The following SLFN11 variants were observed in gnomAD, a reference collection of about 807,000 sequenced individuals.
SLFN11 encodes the protein schlafen family member 11.
SLFN11 carries 43 observed loss-of-function variants against 53.4 expected under a neutral mutation model. The ratio of observed to expected loss-of-function variants is 0.80; its 90% CI spans 0.63 to 1.04. The LOEUF (loss-of-function observed/expected upper bound fraction) is 1.04. SLFN11 is among the 50% of genes least tolerant of loss of function. The pLI is 0.00. For synonymous variants in SLFN11, 389 were observed against 394.7 expected (o/e 0.99, Z 0.17); for missense variants, 990 against 1,079.1 (o/e 0.92, Z 1.16).
At chr17:35,367,949 G>T (rs571715959) in intron 1 of SLFN11, among the ~76,000 whole-genome samples, 2 of 152,166 alleles carry the variant, frequency 1.3e-5, no homozygotes, top group Admixed American at 6.5e-5. Flanking sequence ...TGGACATGCA[G>T]GGACAACCAC....
In SLFN11 at chr17:35,353,719, C is replaced by T; in HGVS notation, c.1539G>A (p.Lys513=). Residue 513 remains lysine, a synonymous_variant, in exon 6 of 7, where the codon AAG becomes AAA. Coordinates refer to ENST00000685675, the MANE Select transcript of SLFN11 (RefSeq NM_001376007.1). ...TGCTCTCAGGACTCAGGCAGAGGAC[C>T]TTGGCCCTGACACACACCTTCCCGG... The part of the protein sequence containing the change: ...GYTGKVCVRA[K]VLCLSPESSA... 5 of 1,450,620 alleles carry T rather than the reference C, an allele frequency of 3.4e-6. No individual in the cohort carries two copies. The highest frequency in any genetic ancestry group is 4.6e-6 in the Non-Finnish European group (5 of 1,081,864). 89.9% of individuals were successfully genotyped at this position (1,450,620 alleles called of 1,614,324 possible).
In SLFN11 at chr17:35,352,969, A is replaced by C. The variant is rs749780647; in HGVS notation, c.2093T>G (p.Leu698Arg). 6.2e-7 allele frequency: 1 copy of C among 1,614,232 alleles called. No homozygotes were observed. The highest frequency in any genetic ancestry group is 8.5e-7 in the Non-Finnish European group (1 of 1,180,046). Residue 698 changes from leucine to arginine, a missense_variant, in exon 7 of 7, where the codon CTC becomes CGC. Leu to Arg is a moderately radical substitution (Grantham distance 102). Transcript: ENST00000685675. ...TRRAKGGPGI[L>R]WIFLDYFQTS... Reference sequence around the variant, plus strand: ...CTGAAAGTAATCCAGAAAGATCCAGAGAATTCCTGGGCCACCCTTTGCTCT... The same window carrying C: ...CTGAAAGTAATCCAGAAAGATCCAGCGAATTCCTGGGCCACCCTTTGCTCT...
In SLFN11 at chr17:35,353,059, T is replaced by G; in HGVS notation, c.2003A>C (p.Asp668Ala). The change falls in exon 7 of 7, where the codon GAC (aspartate) becomes GCC (alanine). Residue 668 changes from aspartate to alanine, a missense_variant. Physicochemically the swap from Asp to Ala is moderately radical, Grantham distance 126. Transcript: ENST00000685675. ...TTCAGTACGGAAATTCTGAGCTTCG[T>G]CAATGACGATGTGTTGAATGTGTTC... ...NFEHIQHIVI[D>A]EAQNFRTEDG... The G allele has an allele frequency of 6.2e-7, 1 of 1,614,186 alleles. No individual in the cohort carries two copies. The highest frequency in any genetic ancestry group is 1.1e-5 in the South Asian group (1 of 91,078).
At position 35,355,942 on chromosome 17, in the gene SLFN11, G is replaced by A. The variant is rs551215840; in HGVS notation, c.1199-1883C>T. Among the ~76,000 whole-genome samples, 15 of 152,150 alleles carry A rather than the reference G, an allele frequency of 9.9e-5. No homozygotes were observed. In the South Asian group the frequency reaches 2.5e-3, roughly 25 times the overall value. ...CATTCTGGGAACTAATTTCACCATG[G>A]ATCTAGGGAATCTTTAGAATCAGCA... On this transcript the variant is annotated intron_variant, in intron 5 of 6. Coordinates refer to ENST00000685675, the MANE Select transcript of SLFN11 (RefSeq NM_001376007.1).
intron 4 of SLFN11, among the ~76,000 whole-genome samples, chr17:35,360,943 C>A (rs1213647140): frequency 2.6e-5 from 4 of 152,112 alleles, no homozygotes; most frequent in African/African-American, 9.7e-5. Flanking sequence ...GCACTCCAGC[C>A]TGGGTGACAT....
chr17:35,362,936 C>T lies in SLFN11; in HGVS notation c.872G>A (p.Arg291His), dbSNP rs1229291682. The change falls in exon 4 of 7, where the codon CGC (arginine) becomes CAC (histidine). Residue 291 changes from arginine to histidine, a missense_variant. This residue lies in a region of SLFN11 where 521 missense variants were observed against 516.2 expected (regional missense o/e 1.01). Coordinates refer to ENST00000685675, the MANE Select transcript of SLFN11 (RefSeq NM_001376007.1). The stretch of plus-strand genomic sequence containing the variant: ...AATTTTGAGTGTGAAGGTTATCGGG[C>T]GTTGGGGTTGGCAAAAATGAACACA... ...LPCVHFCQPQ[R>H]PITFTLKIVN... The T allele has an allele frequency of 5.6e-6, 9 of 1,613,426 alleles. No homozygotes were observed. The highest frequency in any genetic ancestry group is 3.3e-5 in the Admixed American group (2 of 59,916).
Position 35,358,262 on chromosome 17 carries a change from A to AT in SLFN11, c.1198+1980dup, listed in dbSNP as rs1404980344. On this transcript the variant is annotated intron_variant, in intron 5 of 6. Coordinates refer to ENST00000685675, the MANE Select transcript of SLFN11 (RefSeq NM_001376007.1). Reference sequence around the variant, plus strand: ...TAAAGATACTGAATTCTGCATATTAATTTTTATAGTTTCTTCTTATAATAC... The same window carrying AT: ...TAAAGATACTGAATTCTGCATATTAATTTTTTATAGTTTCTTCTTATAATAC... 3.3e-5 allele frequency among the ~76,000 whole-genome samples: 5 copies of AT among 151,462 alleles called. 1 individual carries two copies. The East Asian group carries it at 9.7e-4, about 29-fold the overall frequency.
chr17:35,371,515 A>G (rs940821340), intron 1 of SLFN11, among the ~76,000 whole-genome samples: 1 of 152,146 alleles, frequency 6.6e-6, no homozygotes, highest in Non-Finnish European at 1.5e-5. Flanking sequence ...AAAGAACGCA[A>G]TCAACAAAGT....
At chr17:35,365,970 C>T (rs1908906275) in intron 3 of SLFN11, among the ~76,000 whole-genome samples, 1 of 152,102 alleles carries the variant, frequency 6.6e-6, no homozygotes, top group Non-Finnish European at 1.5e-5. Flanking sequence ...ACATACAATG[C>T]TGTAAGTTCA....
rs1233566228 is a variant in SLFN11, at chr17:35,353,557, G to A, written c.1701C>T (p.Asp567=). 10 of 1,319,002 alleles carry A rather than the reference G, an allele frequency of 7.6e-6. No individual in the cohort carries two copies. Among genetic ancestry groups the A allele is most frequent in the Non-Finnish European group, 1.0e-6 (1 of 981,296 alleles). 81.7% of individuals were successfully genotyped at this position (1,319,002 alleles called of 1,614,324 possible). The change falls in exon 6 of 7, where the codon GAC becomes GAT. Residue 567 remains aspartate, a synonymous_variant. Coordinates refer to ENST00000685675, the MANE Select transcript of SLFN11 (RefSeq NM_001376007.1). ...VLLGFRSLLS[D]QLGCEVLNLL... is the part of the protein sequence containing the mutation. ...GATTTAAAACCTCACAGCCGAGCTG[G>A]TCACTCAAGAGAGACCTGAAGCCGA...
rs757064007 is a variant in SLFN11 at position 35,353,589 on chromosome 17, C to T, written c.1669G>A (p.Val557Ile). Residue 557 changes from valine to isoleucine, a missense_variant, in exon 6 of 7, where the codon GTC becomes ATC. Val to Ile is a conservative substitution (Grantham distance 29). This residue lies in a region of SLFN11 where 156 missense variants were observed against 241.9 expected (regional missense o/e 0.64). Coordinates refer to ENST00000685675, the MANE Select transcript of SLFN11 (RefSeq NM_001376007.1). The part of the protein sequence containing the change: ...MEALLQSLVI[V>I]LLGFRSLLSD... ...AAGAGAGACCTGAAGCCGAGTAAGA[C>T]AATCACGAGGGACTGCAGCAGGGCT... 6.6e-6 allele frequency: 8 copies of T among 1,203,170 alleles called. No homozygotes were observed. The highest frequency in any genetic ancestry group is 9.0e-6 in the Non-Finnish European group (8 of 888,432). The allele number at this position is 1,203,170 out of a possible 1,614,324, so 74.5% of individuals were successfully genotyped here.
chr17:35,368,718 A>C (rs1214226417), intron 1 of SLFN11, among the ~76,000 whole-genome samples: 9 of 152,122 alleles, frequency 5.9e-5, no homozygotes, highest in African/African-American at 2.2e-4. Flanking sequence ...TGTGACTCTC[A>C]GCTCCAAAAA....
chr17:35,361,588 A>G (rs1470708609), intron 4 of SLFN11, among the ~76,000 whole-genome samples: 1 of 151,922 alleles, frequency 6.6e-6, no homozygotes, highest in Admixed American at 6.6e-5. Context: ...CAGCCTCCGA[A>G]AGTGCTGGAA....
chr17:35,360,035 G>T, intron 5 of SLFN11: 1 of 486,794 alleles, frequency 2.1e-6, no homozygotes. Flanking sequence ...AATGTTCCTG[G>T]ATTCTATGTG....
intron 5 of SLFN11, among the ~76,000 whole-genome samples, chr17:35,356,860 T>C (rs1035395156): frequency 1.3e-4 from 20 of 150,440 alleles, no homozygotes; most frequent in African/African-American, 4.9e-4. Flanking sequence ...TTAAATGCAT[T>C]TGTGATTCCA....
chr17:35,352,484 G>A lies in SLFN11; in HGVS notation c.2578C>T (p.Leu860=), dbSNP rs367798201. The change falls in exon 7 of 7, where the codon CTG becomes TTG. Residue 860 remains leucine, a synonymous_variant. Transcript: ENST00000685675. ...ATCCCAAACACTATGCTCCTTTCCA[G>A]GCCTGAGAATCGCCGAACACTGTCC... ...VLDSVRRFSG[L]ERSIVFGIHP... is the part of the protein sequence containing the mutation. The A allele has an allele frequency of 1.9e-6, 3 of 1,614,066 alleles. No homozygotes were observed. In the African/African-American group the frequency reaches 4.0e-5, roughly 22 times the overall value.
At position 35,352,592 on chromosome 17, in the gene SLFN11, A is replaced by C. The variant is rs762616771; in HGVS notation, c.2470T>G (p.Tyr824Asp). 1 of 1,614,186 alleles carries C rather than the reference A, an allele frequency of 6.2e-7. No homozygotes were observed. Among genetic ancestry groups the C allele is most frequent in the Admixed American group, 1.7e-5 (1 of 60,016 alleles). Reference protein sequence around the residue: ...STAKEVEHYKYELLKAMRKKR... With the variant: ...STAKEVEHYKDELLKAMRKKR... The stretch of plus-strand genomic sequence containing the variant: ...TTCCTCATTGCTTTCAAGAGCTCAT[A>C]CTTATAGTGCTCCACTTCTTTTGCG... Residue 824 changes from tyrosine (Y) to aspartate (D), a missense_variant, in exon 7 of 7, where the codon TAT (tyrosine) becomes GAT (aspartate). Coordinates refer to ENST00000685675, the MANE Select transcript of SLFN11 (RefSeq NM_001376007.1).
chr17:35,358,824 T>C (rs2141951035), intron 5 of SLFN11, among the ~76,000 whole-genome samples: 1 of 152,194 alleles, frequency 6.6e-6, no homozygotes, highest in Non-Finnish European at 1.5e-5. Flanking sequence ...TTTCTATCTT[T>C]AACAAGTTTT....
chr17:35,360,236 T>C lies in SLFN11; in HGVS notation c.1198+7A>G. 2 of 1,609,378 alleles carry C rather than the reference T, an allele frequency of 1.2e-6. No homozygotes were observed. The highest frequency in any genetic ancestry group is 1.7e-6 in the Non-Finnish European group (2 of 1,178,518). On this transcript the variant is annotated splice_region_variant and intron_variant, in intron 5 of 6. Coordinates refer to ENST00000685675, the MANE Select transcript of SLFN11 (RefSeq NM_001376007.1). ...TGGCTGGTGTTGAGAAGACAAACCA[T>C]AATTACCTGAAAATAAAAGTTGCTG... is the stretch of plus-strand genomic sequence containing the variant.
Sources: allele counts gnomAD v4.1 joint callset (sites outside exome capture counted in the v4.1 genomes callset), GRCh38; gene constraint gnomAD v4.1.1; regional missense constraint gnomAD v4.1.1; transcripts MANE v1.5; gene names NCBI Gene and HGNC (gene_info 2026-07-23, HGNC 2026-07-21).